The following SEC23IP variants were observed in gnomAD, a reference collection of about 807,000 sequenced individuals.
SEC23IP encodes the protein SEC23 interacting protein, also known as SEC23-interacting protein.
In SEC23IP, 70 loss-of-function variants were observed where a neutral mutation model predicts 113.4. That is an observed-to-expected ratio of 0.62 (90% confidence interval 0.51 to 0.75). SEC23IP has a LOEUF of 0.75. Among genes scored for constraint, SEC23IP ranks in the 30% least tolerant of loss-of-function variants. SEC23IP has a pLI of 0.00. For missense variants in SEC23IP, 1,160 were observed against 1,204.9 expected (o/e 0.96, Z 0.55); for synonymous variants, 398 against 421.0 (o/e 0.95, Z 0.67).
chr10:119,917,758 A>C, intron 8 of SEC23IP, 78 bp from the exon 9 acceptor site: 21 of 1,101,890 alleles, frequency 1.9e-5, no homozygotes, highest in Non-Finnish European at 2.5e-5. Flanking sequence ...TTCAGGAGTC[A>C]AAAATCTAAA....
intron 3 of SEC23IP, 27 bp downstream of exon 3, chr10:119,903,036 A>G (rs1458761990): frequency 2.6e-6 from 4 of 1,546,608 alleles, no homozygotes; most frequent in South Asian, 2.3e-5. Flanking sequence ...CATCATTCAT[A>G]TCTGATTTTA....
At chr10:119,902,679 A>G (rs1297651853) in intron 2 of SEC23IP, 120 bp from the exon 3 acceptor site, 1 of 808,022 alleles carries the variant, frequency 1.2e-6, no homozygotes, top group African/African-American at 1.7e-5. Flanking sequence ...TCTAGTTATT[A>G]CACTAAGTAA....
In SEC23IP at chr10:119,904,096, C is replaced by T. The variant is rs147722288; in HGVS notation, c.920C>T (p.Pro307Leu). 1.0e-3 allele frequency: 1,617 copies of T among 1,614,022 alleles called. 2 individuals are homozygous for T. Among genetic ancestry groups the T allele is most frequent in the Non-Finnish European group, 1.3e-3 (1,509 of 1,179,938 alleles). ...TTTTGTTCTCTAGTTCAGCCAGATC[C>T]GGAGAGCGTGGTTCTTGGCACGGAT... Reference protein sequence around the residue: ...EEIYNSVQPDPESVVLGTDGG... With the variant: ...EEIYNSVQPDLESVVLGTDGG... Residue 307 changes from proline to leucine, a missense_variant, in exon 4 of 19, where the codon CCG (proline) becomes CTG (leucine). Transcript: ENST00000369075.
At chr10:119,930,120 A>G (rs1855549092) in intron 14 of SEC23IP, among the ~76,000 whole-genome samples, 1 of 152,228 alleles carries the variant, frequency 6.6e-6, no homozygotes, top group Non-Finnish European at 1.5e-5. Flanking sequence ...GCCTTTGTTC[A>G]GGGAAATAAT....
intron 9 of SEC23IP, 140 bp from the exon 10 acceptor site, chr10:119,918,253 G>A (rs1855117933): frequency 1.5e-6 from 1 of 676,590 alleles, no homozygotes; most frequent in African/African-American, 1.8e-5. Context: ...ACTTTATTCT[G>A]CTGTTTGATA....
At chr10:119,925,740 C>T (rs1855398183) in intron 12 of SEC23IP, among the ~76,000 whole-genome samples, 1 of 152,080 alleles carries the variant, frequency 6.6e-6, no homozygotes, top group African/African-American at 2.4e-5. Flanking sequence ...GGAGGTCTCA[C>T]TATGTTGCCC....
At chr10:119,915,087 G>A (rs1053255033) in intron 7 of SEC23IP, among the ~76,000 whole-genome samples, 3 of 152,224 alleles carry the variant, frequency 2.0e-5, no homozygotes, top group Non-Finnish European at 2.9e-5. Context: ...AGCACCTGCA[G>A]CAGCTAGGAG....
rs10788000 is a variant in SEC23IP at position 119,926,585 on chromosome 10, A to G, written c.2313+358A>G. On this transcript the variant is annotated intron_variant, in intron 13 of 18. Transcript: ENST00000369075. ...AGAGCAACTTGGCTGTATTCACTCA[A>G]CTTATGTTTCCTAGTACTCATAATT... Among the ~76,000 whole-genome samples the G allele has an allele frequency of 2.0e-5, 3 of 152,146 alleles. No individual in the cohort carries two copies. The East Asian group carries it at 5.8e-4, about 29-fold the overall frequency.
rs1048637814 is a variant in SEC23IP, at chr10:119,943,837, T to C, written c.*3272T>C. The C allele has an allele frequency of 3.3e-5, 5 of 152,226 alleles. No homozygotes were observed. Among genetic ancestry groups the C allele is most frequent in the African/African-American group, 1.2e-4 (5 of 41,452 alleles). The allele number at this position is 152,226 out of a possible 1,614,324, so 9.4% of individuals were successfully genotyped here. ...GGTTATTGAGGACACATCTGTGAGA[T>C]AGTGGGCAATGCTACATATTCGTTA... On this transcript the variant is annotated 3_prime_UTR_variant, in exon 19 of 19. Transcript: ENST00000369075.
In SEC23IP at chr10:119,921,942, T is replaced by A. The variant is rs181828169; in HGVS notation, c.2121+958T>A. ...ATGACTATAAAGTCATAGGACTGAT[T>A]TTTTTTTTAATGGTTAGCTTAAGGA... On this transcript the variant is annotated intron_variant, in intron 12 of 18. Transcript: ENST00000369075. Among the ~76,000 whole-genome samples the A allele has an allele frequency of 3.5e-5, 5 of 140,990 alleles. No individual in the cohort carries two copies. The East Asian group carries it at 1.1e-3, about 30-fold the overall frequency. 92.5% of individuals were successfully genotyped at this position (140,990 alleles called of 152,430 possible). A position where few individuals can be genotyped will look rare whatever the true frequency, so the allele number is the denominator to read the frequency against.
chr10:119,906,232 T>C (rs1488632858), intron 4 of SEC23IP, among the ~76,000 whole-genome samples: 1 of 145,970 alleles, frequency 6.9e-6, no homozygotes, highest in Non-Finnish European at 1.5e-5. Context: ...CAGTGAACTG[T>C]GATCGTGTCA....
chr10:119,938,993 C>T (rs1183392630), intron 18 of SEC23IP, among the ~76,000 whole-genome samples: 2 of 152,086 alleles, frequency 1.3e-5, no homozygotes, highest in East Asian at 3.8e-4. Context: ...TCCTTTTAGA[C>T]CTTTTTAGGA....
At position 119,943,115 on chromosome 10, in the gene SEC23IP, A is replaced by G. The variant is rs775529756; in HGVS notation, c.*2550A>G. 2 of 152,210 alleles carry G rather than the reference A, an allele frequency of 1.3e-5. No individual in the cohort carries two copies. Among genetic ancestry groups the G allele is most frequent in the East Asian group, 3.8e-4 (2 of 5,202 alleles). 9.4% of individuals were successfully genotyped at this position (152,210 alleles called of 1,614,324 possible). ...TGACTTGAGGCATCTAACTATCTTA[A>G]TGCTGTACTTTAGTGTTTACCAAGC... On this transcript the variant is annotated 3_prime_UTR_variant, in exon 19 of 19. Coordinates refer to ENST00000369075, the MANE Select transcript of SEC23IP (RefSeq NM_007190.4).
chr10:119,908,193 A>G (rs182571554), intron 4 of SEC23IP, among the ~76,000 whole-genome samples: 20 of 152,300 alleles, frequency 1.3e-4, no homozygotes, highest in Admixed American at 1.2e-3. Flanking sequence ...AAGAGTAAGA[A>G]GATGGTTGGA....
chr10:119,934,875 A>G (rs2420648), intron 18 of SEC23IP, among the ~76,000 whole-genome samples: 108,401 of 152,138 alleles, frequency 0.71, 38,908 homozygotes, highest in East Asian at 0.82. Flanking sequence ...GGTGTCTCAC[A>G]CCTCTAATCT....
Position 119,892,731 on chromosome 10 carries a change from G to C in SEC23IP, c.-52G>C, listed in dbSNP as rs1854130270. ...CAGGAGCGTGATCGGTTTCCGGTCA[G>C]TGGTGTGGTACCGGGTACCCGGAGA... On this transcript the variant is annotated 5_prime_UTR_variant, in exon 1 of 19. Coordinates refer to ENST00000369075, the MANE Select transcript of SEC23IP (RefSeq NM_007190.4). The C allele has an allele frequency of 6.5e-7, 1 of 1,541,834 alleles. No individual in the cohort carries two copies. Among genetic ancestry groups the C allele is most frequent in the African/African-American group, 1.4e-5 (1 of 73,392 alleles).
Position 119,892,922 on chromosome 10 carries a change from C to T in SEC23IP, c.140C>T (p.Pro47Leu). Residue 47 changes from proline to leucine, a missense_variant, in exon 1 of 19, where the codon CCG becomes CTG. Physicochemically the swap from Pro to Leu is moderately conservative, Grantham distance 98. Transcript: ENST00000369075. ...CCAGTCACCCAGGCCTCCGCTTCTC[C>T]GGCCTCCCTGCTCTTACCGGGAGGT... ...FIPVTQASASPASLLLPGEDS... is the reference protein window; with the variant it reads ...FIPVTQASASLASLLLPGEDS... The T allele has an allele frequency of 1.2e-6, 2 of 1,613,164 alleles. No homozygotes were observed. Among genetic ancestry groups the T allele is most frequent in the African/African-American group, 1.3e-5 (1 of 75,018 alleles).
chr10:119,893,071 C>T, intron 1 of SEC23IP, 126 bp downstream of exon 1: 1 of 1,093,838 alleles, frequency 9.1e-7, no homozygotes, highest in Non-Finnish European at 1.3e-6. Flanking sequence ...AGGATCATTA[C>T]TGGCCAGGTT....
chr10:119,931,533 AAAG>A (rs1271610158), intron 15 of SEC23IP, among the ~76,000 whole-genome samples: 1 of 151,576 alleles, frequency 6.6e-6, no homozygotes, highest in Admixed American at 6.6e-5. Flanking sequence ...AACAAACAAA[AAAG>A]GCATAAGAAT....
Sources: gnomAD v4.1 joint callset for allele counts (sites outside exome capture counted in the v4.1 genomes callset) on GRCh38, gnomAD v4.1.1 for gene constraint, MANE v1.5 for transcripts, NCBI Gene and HGNC (gene_info 2026-07-23, HGNC 2026-07-21) for gene names.